CLINT1: variants seen among roughly 807,000 people sequenced by gnomAD.
CLINT1 encodes the protein clathrin interactor 1, also known as clathrin interacting protein localized in the trans-Golgi region.
In CLINT1, 15 loss-of-function variants were observed where a neutral mutation model predicts 70.4. The observed-to-expected ratio is 0.21, with a 90% confidence interval of 0.14 to 0.33. The LOEUF (loss-of-function observed/expected upper bound fraction) is 0.33, where lower values mean the gene tolerates loss of function less well. Among genes scored for constraint, CLINT1 ranks in the 10% least tolerant of loss-of-function variants. The probability of loss-of-function intolerance (pLI) is 1.00; values close to 1 mark genes in which losing one functional copy is unlikely to be tolerated. For missense variants in CLINT1, 615 were observed against 778.1 expected (o/e 0.79, Z 2.49); for synonymous variants, 227 against 254.7 (o/e 0.89, Z 1.04).
Position 157,791,979 on chromosome 5 carries a change from C to G in CLINT1, c.1104G>C (p.Gly368=). The G allele has an allele frequency of 1.2e-6, 2 of 1,613,308 alleles. No homozygotes were observed. The highest frequency in any genetic ancestry group is 1.7e-6 in the Non-Finnish European group (2 of 1,179,570). ...CACTCCAGTCACCAAAGTCTCCATTCCCACTTGTTGCTGTTACTAAGACAG... is the reference window on the plus strand; with the variant it reads ...CACTCCAGTCACCAAAGTCTCCATTGCCACTTGTTGCTGTTACTAAGACAG... The part of the protein sequence containing the change: ...SFPSQVTATS[G]NGDFGDWSAF... The change falls in exon 10 of 12, where the codon GGG becomes GGC. Residue 368 remains glycine (G), a synonymous_variant. Coordinates refer to ENST00000411809, the MANE Select transcript of CLINT1 (RefSeq NM_014666.4).
At chr5:157,856,426 T>A (rs769428296) in intron 1 of CLINT1, among the ~76,000 whole-genome samples, 2 of 152,226 alleles carry the variant, frequency 1.3e-5, no homozygotes, top group Non-Finnish European at 2.9e-5. Flanking sequence ...GTTAAACCCC[T>A]AACCTTTCTC....
At position 157,793,901 on chromosome 5, in the gene CLINT1, T is replaced by C. The variant is rs921400450; in HGVS notation, c.1087+997A>G. Among the ~76,000 whole-genome samples the C allele has an allele frequency of 6.6e-5, 10 of 152,176 alleles. No homozygotes were observed. In the East Asian group the frequency reaches 1.9e-3, roughly 29 times the overall value. Reference sequence around the variant, plus strand: ...AGTTTAATATAACAGCAATAGATTATGTGACTTGTGATGAGTAACAACACT... The same window carrying C: ...AGTTTAATATAACAGCAATAGATTACGTGACTTGTGATGAGTAACAACACT... On this transcript the variant is annotated intron_variant, in intron 9 of 11. Transcript: ENST00000411809.
At chr5:157,807,003 A>G (rs539813864) in intron 6 of CLINT1, among the ~76,000 whole-genome samples, 1 of 152,168 alleles carries the variant, frequency 6.6e-6, no homozygotes, top group South Asian at 2.1e-4. Flanking sequence ...AAAGAGAGAG[A>G]AAGAGAGAAA....
chr5:157,835,185 T>C (rs1308210764), intron 1 of CLINT1, among the ~76,000 whole-genome samples: 1 of 151,904 alleles, frequency 6.6e-6, no homozygotes, highest in Non-Finnish European at 1.5e-5. Context: ...GCCCTGAGCA[T>C]AGTGTTCAAG....
At chr5:157,794,170 T>C (rs1463149616) in intron 9 of CLINT1, among the ~76,000 whole-genome samples, 1 of 152,114 alleles carries the variant, frequency 6.6e-6, no homozygotes, top group African/African-American at 2.4e-5. Flanking sequence ...CTATAGACAC[T>C]ATCCTCAAAA....
At chr5:157,797,676 G>A (rs890358063) in intron 8 of CLINT1, among the ~76,000 whole-genome samples, 1 of 152,024 alleles carries the variant, frequency 6.6e-6, no homozygotes. Flanking sequence ...GTCAGCCACC[G>A]CCCCTGGTGG....
At chr5:157,822,134 G>C (rs544586909) in intron 1 of CLINT1, among the ~76,000 whole-genome samples, 1 of 151,990 alleles carries the variant, frequency 6.6e-6, no homozygotes, top group East Asian at 1.9e-4. Flanking sequence ...GACCTGTTGG[G>C]AGATAATTTG....
chr5:157,809,495 A>T, intron 6 of CLINT1, 133 bp downstream of exon 6: 1 of 597,830 alleles, frequency 1.7e-6, no homozygotes, highest in South Asian at 2.8e-5. Flanking sequence ...AATGAAGTCT[A>T]TTAAAAAAAA....
chr5:157,847,631 C>A (rs1285402896), intron 1 of CLINT1, among the ~76,000 whole-genome samples: 1 of 152,134 alleles, frequency 6.6e-6, no homozygotes, highest in Non-Finnish European at 1.5e-5. Flanking sequence ...GACGTCACTG[C>A]AGATGTGGTG....
At chr5:157,830,806 A>C (rs1468103772) in intron 1 of CLINT1, among the ~76,000 whole-genome samples, 13 of 147,620 alleles carry the variant, frequency 8.8e-5, no homozygotes, top group South Asian at 8.7e-4. Flanking sequence ...CTATATATAT[A>C]TATATATATA....
At chr5:157,822,693 A>C (rs1412259989) in intron 1 of CLINT1, among the ~76,000 whole-genome samples, 1 of 152,202 alleles carries the variant, frequency 6.6e-6, no homozygotes, top group Non-Finnish European at 1.5e-5. Context: ...ATATCAAATT[A>C]TTTTACTTGG....
chr5:157,830,757 CCT>C (rs373819711), intron 1 of CLINT1, among the ~76,000 whole-genome samples: 3,504 of 87,292 alleles, frequency 0.04, 96 homozygotes, highest in East Asian at 0.14. Context: ...CCTCTCTCTC[CCT>C]CTCTCTCTCT....
intron 1 of CLINT1, among the ~76,000 whole-genome samples, chr5:157,831,543 G>A (rs891016404): frequency 6.6e-6 from 1 of 151,936 alleles, no homozygotes; most frequent in African/African-American, 2.4e-5. Flanking sequence ...TAAAAAAGAT[G>A]GATGATCTCT....
intron 6 of CLINT1, among the ~76,000 whole-genome samples, 179 bp downstream of exon 6, chr5:157,809,449 A>C (rs1163770024): frequency 6.6e-6 from 1 of 151,678 alleles, no homozygotes; most frequent in Non-Finnish European, 1.5e-5. Context: ...TACTTTATGC[A>C]CAATTTTTCT....
chr5:157,822,258 C>T (rs1411107652), intron 1 of CLINT1, among the ~76,000 whole-genome samples: 1 of 151,452 alleles, frequency 6.6e-6, no homozygotes. Flanking sequence ...ATGTGCACAA[C>T]GTGCAGGTGT....
intron 1 of CLINT1, among the ~76,000 whole-genome samples, chr5:157,825,773 A>G (rs1763016266): frequency 6.6e-6 from 1 of 152,126 alleles, no homozygotes; most frequent in South Asian, 2.1e-4. Context: ...TTTTAAACCA[A>G]TGCTACTCTC....
intron 1 of CLINT1, among the ~76,000 whole-genome samples, chr5:157,823,086 T>C (rs1279212583): frequency 6.6e-6 from 1 of 152,182 alleles, no homozygotes; most frequent in Non-Finnish European, 1.5e-5. Context: ...TTAAGCTTAT[T>C]GTCAAGATTT....
At position 157,791,883 on chromosome 5, in the gene CLINT1, C is replaced by T. The variant is rs749599431; in HGVS notation, c.1200G>A (p.Ala400=). The T allele has an allele frequency of 4.7e-5, 76 of 1,613,934 alleles. 1 individual carries two copies. The highest frequency in any genetic ancestry group is 3.1e-4 in the South Asian group (28 of 91,084). Residue 400 remains alanine, a synonymous_variant, in exon 10 of 12, where the codon GCG becomes GCA. Transcript: ENST00000411809. ...ATTGTGAGCCACTAACAAGTTCTAC[C>T]GCTGGCTGTGAGGCACTGCCAAAGA... The part of the protein sequence containing the change: ...GEFFGSASQP[A]VELVSGSQSA...
Position 157,785,871 on chromosome 5 carries a change from G to A in CLINT1, c.*1775C>T, listed in dbSNP as rs1761708050. On this transcript the variant is annotated 3_prime_UTR_variant, in exon 12 of 12. Coordinates refer to ENST00000411809, the MANE Select transcript of CLINT1 (RefSeq NM_014666.4). The stretch of plus-strand genomic sequence containing the variant: ...TATCAGGGACCATATTCTACTATGC[G>A]GCCACCAGAGGCTGGCTTGATTGCT... 1 of 152,024 alleles carries A rather than the reference G, an allele frequency of 6.6e-6. No homozygotes were observed. The highest frequency in any genetic ancestry group is 1.5e-5 in the Non-Finnish European group (1 of 67,994). 9.4% of individuals were successfully genotyped at this position (152,024 alleles called of 1,614,324 possible).
Sources: gnomAD v4.1 joint callset for allele counts (sites outside exome capture counted in the v4.1 genomes callset) on GRCh38, gnomAD v4.1.1 for gene constraint, MANE v1.5 for transcripts, NCBI Gene and HGNC (gene_info 2026-07-23, HGNC 2026-07-21) for gene names.